FRMD4B: variants seen among roughly 807,000 people sequenced by gnomAD.
FRMD4B encodes the protein FERM domain containing 4B, also known as FERM domain-containing protein 4B.
In FRMD4B, 74 loss-of-function variants were observed where a neutral mutation model predicts 141.5. The observed-to-expected ratio is 0.52, with a 90% CI of 0.43 to 0.63. The LOEUF is 0.63. Among genes scored for constraint, FRMD4B ranks in the 30% least tolerant of loss-of-function variants. FRMD4B has a pLI of 0.00. For missense variants in FRMD4B, 1,366 were observed against 1,253.4 expected (o/e 1.09, Z -1.36); for synonymous variants, 506 against 467.9 (o/e 1.08, Z -1.05).
intron 11 of FRMD4B, among the ~76,000 whole-genome samples, chr3:69,199,664 G>A (rs1559709960): frequency 6.6e-6 from 1 of 152,216 alleles, no homozygotes; most frequent in Non-Finnish European, 1.5e-5. Flanking sequence ...TTCTGAGCTA[G>A]AACCTCCAGT....
At chr3:69,458,849 TAAAAA>T (rs35229515) in intron 1 of FRMD4B, among the ~76,000 whole-genome samples, 1 of 82,166 alleles carries the variant, frequency 1.2e-5, no homozygotes, top group East Asian at 3.7e-4. Flanking sequence ...ATGGGCTGCT[TAAAAA>T]AAAAAAAAAA....
At chr3:69,333,840 T>C (rs1231712257) in intron 1 of FRMD4B, 7 of 152,180 alleles carry the variant, frequency 4.6e-5, no homozygotes, top group Non-Finnish European at 1.0e-4. Context: ...CTACACATTT[T>C]TGTTGGGGAG....
At chr3:69,380,124 T>G (rs1200440015) in intron 1 of FRMD4B, among the ~76,000 whole-genome samples, 1 of 152,200 alleles carries the variant, frequency 6.6e-6, no homozygotes, top group African/African-American at 2.4e-5. Context: ...GAGTCTTGGA[T>G]ATAGCAAGAT....
At chr3:69,177,878 A>T (rs1041559155) in intron 21 of FRMD4B, among the ~76,000 whole-genome samples, 6 of 152,176 alleles carry the variant, frequency 3.9e-5, no homozygotes, top group Non-Finnish European at 7.3e-5. Flanking sequence ...CGCTAGCAAG[A>T]TCAAGGCTAT....
At chr3:69,195,710 AGT>A (rs2092896930) in intron 14 of FRMD4B, among the ~76,000 whole-genome samples, 2 of 8,646 alleles carry the variant, frequency 2.3e-4, no homozygotes, top group Non-Finnish European at 0.017. Context: ...TCTTTTAAAA[AGT>A]AAGCAAGCAA....
At chr3:69,355,544 T>C (rs886574551) in intron 1 of FRMD4B, among the ~76,000 whole-genome samples, 2 of 152,148 alleles carry the variant, frequency 1.3e-5, no homozygotes, top group Non-Finnish European at 1.5e-5. Context: ...GTTTTCACTG[T>C]TGAAGGACAA....
chr3:69,261,618 G>C (rs9820844), intron 5 of FRMD4B, among the ~76,000 whole-genome samples: 36,755 of 152,064 alleles, frequency 0.24, 4,651 homozygotes, highest in East Asian at 0.38. Flanking sequence ...GTGGCTGGTG[G>C]ACTCTAAGTT....
At chr3:69,216,129 G>T in intron 11 of FRMD4B, 134 bp downstream of exon 11, 2 of 548,428 alleles carry the variant, frequency 3.6e-6, no homozygotes, top group South Asian at 2.1e-5. Flanking sequence ...ACTCCAGCTT[G>T]GGCGACAAAG....
intron 1 of FRMD4B, among the ~76,000 whole-genome samples, chr3:69,475,454 G>C (rs1490049853): frequency 6.6e-6 from 1 of 151,816 alleles, no homozygotes; most frequent in Non-Finnish European, 1.5e-5. Context: ...AGAATATGTG[G>C]TGTTTGGTTT....
chr3:69,317,665 G>T (rs1049590097), intron 1 of FRMD4B, among the ~76,000 whole-genome samples: 1 of 138,810 alleles, frequency 7.2e-6, no homozygotes, highest in African/African-American at 2.7e-5. Flanking sequence ...TGAGGCAGGA[G>T]AATTGCTTGA....
At position 69,215,282 on chromosome 3, in the gene FRMD4B, C is replaced by CTTTTTTTTT. The variant is rs1559724064; in HGVS notation, c.876+980_876+981insAAAAAAAAA. ...AATCCAAATCTGATAGATTGTGACCCTCTTTTTTTTTTTTTTTTTTTTTTT... is the reference window on the plus strand; with the variant it reads ...AATCCAAATCTGATAGATTGTGACCCTTTTTTTTTTCTTTTTTTTTTTTTTTTTTTTTTT... On this transcript the variant is annotated intron_variant, in intron 11 of 22. Transcript: ENST00000398540. Among the ~76,000 whole-genome samples the CTTTTTTTTT allele has an allele frequency of 1.1e-4, 4 of 37,472 alleles. No homozygotes were observed. The East Asian group carries it at 1.3e-3, about 12-fold the overall frequency. 24.6% of individuals were successfully genotyped at this position (37,472 alleles called of 152,430 possible).
chr3:69,444,879 T>A lies in FRMD4B; in HGVS notation c.-128-12118A>T, dbSNP rs1269418530. 5.3e-5 allele frequency among the ~76,000 whole-genome samples: 8 copies of A among 152,300 alleles called. No homozygotes were observed. The East Asian group carries it at 1.5e-3, about 29-fold the overall frequency. On this transcript the variant is annotated intron_variant, in intron 1 of 5. Coordinates refer to the FRMD4B transcript ENST00000459638. ...TCTGTAATGCTAAACTAGATGTAAA[T>A]AGCCCAAGGATCCAATTTCAGCCAA...
chr3:69,226,365 C>T (rs2093253995), intron 7 of FRMD4B, among the ~76,000 whole-genome samples: 1 of 151,954 alleles, frequency 6.6e-6, no homozygotes, highest in Admixed American at 6.6e-5. Context: ...ACTGTCAACT[C>T]CCAGTATATT....
chr3:69,374,282 AG>A (rs1288783156), intron 1 of FRMD4B, among the ~76,000 whole-genome samples: 3 of 152,244 alleles, frequency 2.0e-5, no homozygotes, highest in Non-Finnish European at 2.9e-5. Context: ...GCTTGGCTCA[AG>A]GTCGTATAGC....
chr3:69,285,275 A>G (rs1359858912), intron 5 of FRMD4B, among the ~76,000 whole-genome samples: 1 of 152,286 alleles, frequency 6.6e-6, no homozygotes, highest in East Asian at 1.9e-4. Flanking sequence ...ACAAAGCAAG[A>G]GAAACTATAC....
At chr3:69,504,454 A>G (rs1706560987) in intron 1 of FRMD4B, among the ~76,000 whole-genome samples, 1 of 152,138 alleles carries the variant, frequency 6.6e-6, no homozygotes, top group African/African-American at 2.4e-5. Flanking sequence ...AGAAACCTAC[A>G]CCGAGTGTAG....
At chr3:69,508,997 T>A (rs1280974158) in intron 1 of FRMD4B, among the ~76,000 whole-genome samples, 3 of 152,246 alleles carry the variant, frequency 2.0e-5, no homozygotes, top group African/African-American at 7.2e-5. Context: ...TCTTGAATTC[T>A]TTTAAACCCA....
At chr3:69,497,683 T>G (rs938630325) in intron 1 of FRMD4B, among the ~76,000 whole-genome samples, 14 of 152,202 alleles carry the variant, frequency 9.2e-5, no homozygotes, top group African/African-American at 3.1e-4. Flanking sequence ...GCAACTATAA[T>G]TTTTACCATT....
At position 69,225,486 on chromosome 3, in the gene FRMD4B, T is replaced by A. The variant is rs186941806; in HGVS notation, c.582-796A>T. Among the ~76,000 whole-genome samples the A allele has an allele frequency of 4.3e-3, 479 of 112,624 alleles. 4 individuals carry two copies. The Middle Eastern group carries it at 0.071, about 17-fold the overall frequency. The allele number at this position is 112,624 out of a possible 152,430, so 73.9% of individuals were successfully genotyped here. On this transcript the variant is annotated intron_variant, in intron 7 of 22. Coordinates refer to ENST00000398540, the MANE Select transcript of FRMD4B (RefSeq NM_015123.3). ...GTCAGGAGATTGAGACCATCCTGGC[T>A]AACACGGTGAAACCCTGTATCTACT...
Sources: allele counts gnomAD v4.1 joint callset (sites outside exome capture counted in the v4.1 genomes callset), GRCh38; gene constraint gnomAD v4.1.1; transcripts MANE v1.5; gene names NCBI Gene and HGNC (gene_info 2026-07-23, HGNC 2026-07-21).